The following C13orf46 variants were observed in gnomAD, a reference collection of about 807,000 sequenced individuals.
The protein encoded by C13orf46 is uncharacterized protein C13orf46.
intron 1 of C13orf46, among the ~76,000 whole-genome samples, chr13:113,972,046 C>A (rs1021664018): frequency 6.6e-6 from 1 of 152,156 alleles, no homozygotes; most frequent in Non-Finnish European, 1.5e-5. Flanking sequence ...CTCCCTGCTG[C>A]GGCACCTCCC....
chr13:113,952,868 G>A (rs2052494741), downstream of C13orf46, among the ~76,000 whole-genome samples: 1 of 152,238 alleles, frequency 6.6e-6, no homozygotes, highest in African/African-American at 2.4e-5. Flanking sequence ...GCAGGAACAC[G>A]CTCATGCTGG....
chr13:113,972,422 G>C (rs1035306955), intron 1 of C13orf46, among the ~76,000 whole-genome samples: 2 of 152,174 alleles, frequency 1.3e-5, no homozygotes, highest in East Asian at 3.9e-4. Flanking sequence ...CAAACCCCGA[G>C]TCCTACCGGG....
chr13:113,931,227 T>C, the C13orf46 span, among the ~76,000 whole-genome samples: 7 of 152,330 alleles, frequency 4.6e-5, no homozygotes, highest in Admixed American at 1.3e-4. Context: ...ATTCTGCCTG[T>C]TTTAGGGTTT....
chr13:113,971,693 G>A (rs1430135748), intron 1 of C13orf46, among the ~76,000 whole-genome samples: 3 of 152,192 alleles, frequency 2.0e-5, no homozygotes, highest in African/African-American at 4.8e-5. Flanking sequence ...TGGACGCGGC[G>A]TCTCACACAT....
intron 6 of C13orf46, among the ~76,000 whole-genome samples, chr13:113,959,261 G>A (rs984533083): frequency 6.6e-6 from 1 of 152,322 alleles, no homozygotes; most frequent in East Asian, 1.9e-4. Flanking sequence ...GACAGAGTGA[G>A]ATCTGCCTCA....
chr13:113,964,662 G>T (rs1952331954), intron 6 of C13orf46, among the ~76,000 whole-genome samples: 3 of 152,156 alleles, frequency 2.0e-5, no homozygotes, highest in Admixed American at 2.0e-4. Flanking sequence ...CTGGCTGGTG[G>T]GTAGGAGACA....
At chr13:113,933,538 AT>A in the C13orf46 span, among the ~76,000 whole-genome samples, 2 of 152,196 alleles carry the variant, frequency 1.3e-5, no homozygotes, top group African/African-American at 4.8e-5. Flanking sequence ...TTCTACAAAA[AT>A]CCTGCTGGGA....
intron 6 of C13orf46, among the ~76,000 whole-genome samples, chr13:113,957,452 C>CATA (rs2052546965): frequency 8.4e-6 from 1 of 118,920 alleles, no homozygotes; most frequent in Non-Finnish European, 1.7e-5. Flanking sequence ...TGCACTCTGC[C>CATA]TGCACCCCCT....
At chr13:113,961,964 G>A (rs1249109460) in intron 6 of C13orf46, among the ~76,000 whole-genome samples, 1 of 152,186 alleles carries the variant, frequency 6.6e-6, no homozygotes, top group Non-Finnish European at 1.5e-5. Flanking sequence ...AGCTCTGCGT[G>A]ATCTGTGGCC....
chr13:113,927,930 CT>C, the C13orf46 span: 6 of 278,156 alleles, frequency 2.2e-5, no homozygotes, highest in African/African-American at 1.3e-4. Flanking sequence ...GGGGTGCAGT[CT>C]GCCTGCGTTA....
chr13:113,928,486 A>C, the C13orf46 span: 2 of 152,304 alleles, frequency 1.3e-5, no homozygotes, highest in Non-Finnish European at 2.9e-5. Context: ...GTCCTGGGAG[A>C]GAGAGGGGAA....
the C13orf46 span, among the ~76,000 whole-genome samples, chr13:113,937,701 C>T: frequency 4.1e-4 from 62 of 152,278 alleles, no homozygotes; most frequent in African/African-American, 1.4e-3. Flanking sequence ...AACGCTGGTT[C>T]GGTCCGGAAA....
At chr13:113,949,508 G>A (rs2052481045), downstream of C13orf46, among the ~76,000 whole-genome samples, 1 of 152,224 alleles carries the variant, frequency 6.6e-6, no homozygotes, top group South Asian at 2.1e-4. Flanking sequence ...GGGCCTTTGA[G>A]ATGAAGACGA....
chr13:113,951,290 C>T (rs1043160496), downstream of C13orf46, among the ~76,000 whole-genome samples: 4 of 152,322 alleles, frequency 2.6e-5, no homozygotes, highest in Admixed American at 6.5e-5. Flanking sequence ...AGCACCGGGG[C>T]CCCCACGGGG....
chr13:113,955,651 CTGGCAGAGACAAGGAGTAG>C lies in C13orf46; in HGVS notation c.*1103_*1121del. 1 of 44,532 alleles carries C rather than the reference CTGGCAGAGACAAGGAGTAG, an allele frequency of 2.2e-5. No individual in the cohort carries two copies. The highest frequency in any genetic ancestry group is 4.7e-4 in the South Asian group (1 of 2,138). 2.8% of individuals were successfully genotyped at this position (44,532 alleles called of 1,614,324 possible). On this transcript the variant is annotated 3_prime_UTR_variant, in exon 7 of 7. Coordinates refer to ENST00000636427, the MANE Select transcript of C13orf46 (RefSeq NM_001365455.2). ...GTCTGGCGGAGACGAGGAGTAGTGT[CTGGCAGAGACAAGGAGTAG>C]TGTCTGGCAGAGACGAGGAGTAGTG...
At chr13:113,934,611 G>C in the C13orf46 span, among the ~76,000 whole-genome samples, 1 of 152,242 alleles carries the variant, frequency 6.6e-6, no homozygotes, top group Non-Finnish European at 1.5e-5. Context: ...AATTGGCTAC[G>C]GTGAATCGAA....
At chr13:113,936,337 G>A in the C13orf46 span, among the ~76,000 whole-genome samples, 2 of 152,230 alleles carry the variant, frequency 1.3e-5, no homozygotes, top group Admixed American at 6.5e-5. Flanking sequence ...TGAGGATGCG[G>A]TATTGGCCCC....
chr13:113,957,107 CTGCATA>C (rs2052541912), intron 6 of C13orf46, among the ~76,000 whole-genome samples: 1 of 145,102 alleles, frequency 6.9e-6, no homozygotes, highest in Admixed American at 6.8e-5. Context: ...TCCCCTGCAC[CTGCATA>C]TGCATCCCCT....
the C13orf46 span, chr13:113,927,160 G>T: frequency 1.6e-5 from 3 of 184,714 alleles, no homozygotes; most frequent in Admixed American, 6.2e-5. Context: ...GCTTCCCTGT[G>T]GGGGGAAGCA....
Sources: allele counts gnomAD v4.1 joint callset (sites outside exome capture counted in the v4.1 genomes callset), GRCh38; gene constraint gnomAD v4.1.1; transcripts MANE v1.5; gene names NCBI Gene and HGNC (gene_info 2026-07-23, HGNC 2026-07-21).